The following MICAL2 variants were observed in gnomAD, a reference collection of about 807,000 sequenced individuals.
The protein encoded by MICAL2 is microtubule associated monooxygenase, calponin and LIM domain containing 2.
Under a neutral mutation model 127.3 loss-of-function variants are expected in MICAL2, and 77 were observed. The ratio of observed to expected loss-of-function variants is 0.60; its 90% CI spans 0.50 to 0.73. The LOEUF (loss-of-function observed/expected upper bound fraction) is 0.73, where lower values mean the gene tolerates loss of function less well. MICAL2 is among the 30% of genes least tolerant of loss of function. MICAL2 has a pLI of 0.00. For synonymous variants in MICAL2, 570 were observed against 551.1 expected (o/e 1.03, Z -0.48); for missense variants, 1,351 against 1,434.4 (o/e 0.94, Z 0.94).
intron 32 of MICAL2, among the ~76,000 whole-genome samples, chr11:12,333,584 A>T (rs1938688955): frequency 1.3e-5 from 2 of 152,204 alleles, no homozygotes; most frequent in Admixed American, 6.5e-5. Context: ...AAGAAAAAAA[A>T]TTTTGTTGTT....
At chr11:12,307,052 G>A (rs1169891429) in intron 29 of MICAL2, among the ~76,000 whole-genome samples, 1 of 152,176 alleles carries the variant, frequency 6.6e-6, no homozygotes, top group Non-Finnish European at 1.5e-5. Context: ...TTTCCAAAGT[G>A]ACATGCCATA....
intron 15 of MICAL2, among the ~76,000 whole-genome samples, chr11:12,235,244 G>A (rs1366171244): frequency 6.6e-6 from 1 of 152,182 alleles, no homozygotes; most frequent in Non-Finnish European, 1.5e-5. Flanking sequence ...CATCAGCTCG[G>A]CCTCCAGAGT....
chr11:12,187,439 C>A (rs996079706), intron 3 of MICAL2, among the ~76,000 whole-genome samples: 1 of 152,202 alleles, frequency 6.6e-6, no homozygotes, highest in African/African-American at 2.4e-5. Context: ...AGCAACACTT[C>A]CCCCTCTGGG....
intron 31 of MICAL2, among the ~76,000 whole-genome samples, chr11:12,326,673 A>G (rs1864356064): frequency 6.6e-6 from 1 of 152,212 alleles, no homozygotes; most frequent in African/African-American, 2.4e-5. Flanking sequence ...CTAAAACAGG[A>G]GCACGAAACC....
intron 3 of MICAL2, among the ~76,000 whole-genome samples, chr11:12,172,605 G>A (rs1337075608): frequency 6.6e-6 from 1 of 152,110 alleles, no homozygotes; most frequent in Admixed American, 6.5e-5. Flanking sequence ...GGTAAAAGCA[G>A]GGTTCTTGTC....
intron 1 of MICAL2, among the ~76,000 whole-genome samples, chr11:12,279,152 C>T (rs1863747569): frequency 1.3e-5 from 2 of 152,116 alleles, no homozygotes; most frequent in South Asian, 2.1e-4. Context: ...GGAGATGGCA[C>T]GTGGTGGAAG....
downstream of MICAL2, chr11:12,358,599 G>A (rs924347867): frequency 4.2e-6 from 4 of 943,422 alleles, no homozygotes; most frequent in Non-Finnish European, 6.1e-6. Flanking sequence ...ATACCTTACT[G>A]CATTTTTTAA....
intron 3 of MICAL2, among the ~76,000 whole-genome samples, chr11:12,180,024 ACTC>A (rs1485577423): frequency 1.3e-5 from 2 of 151,994 alleles, no homozygotes; most frequent in Admixed American, 6.6e-5. Context: ...GTAACTCTGT[ACTC>A]CTTGCTCCCA....
At chr11:12,229,857 C>A (rs1052960801) in intron 15 of MICAL2, among the ~76,000 whole-genome samples, 3 of 152,230 alleles carry the variant, frequency 2.0e-5, no homozygotes, top group Non-Finnish European at 2.9e-5. Context: ...CCCTTGGCTG[C>A]CCATTTTGAG....
intron 3 of MICAL2, chr11:12,197,816 G>C (rs1228209235): frequency 6.6e-6 from 1 of 152,262 alleles, no homozygotes; most frequent in African/African-American, 2.4e-5. Context: ...GGTCATGGAG[G>C]AGGAGAGCAC....
At chr11:12,330,826 A>AGG in intron 32 of MICAL2, among the ~76,000 whole-genome samples, 1 of 123,278 alleles carries the variant, frequency 8.1e-6, no homozygotes, top group East Asian at 2.1e-4. Flanking sequence ...AGAGAGGGAG[A>AGG]GACAGACAGA....
At chr11:12,225,225 C>T (rs34818123) in intron 13 of MICAL2, among the ~76,000 whole-genome samples, 1 of 152,192 alleles carries the variant, frequency 6.6e-6, no homozygotes, top group East Asian at 1.9e-4. Flanking sequence ...GATCCATAAG[C>T]TGTGTGTCCT....
intron 3 of MICAL2, among the ~76,000 whole-genome samples, chr11:12,186,974 G>A (rs923914116): frequency 6.6e-6 from 1 of 152,178 alleles, no homozygotes; most frequent in African/African-American, 2.4e-5. Flanking sequence ...CCCTGTCCCC[G>A]ACTGTGCTAA....
At chr11:12,283,182 T>A (rs1485529852) in intron 2 of MICAL2, among the ~76,000 whole-genome samples, 1 of 152,118 alleles carries the variant, frequency 6.6e-6, no homozygotes, top group African/African-American at 2.4e-5. Flanking sequence ...GGTAACCCCA[T>A]CACTTTACCA....
At chr11:12,230,996 CA>C (rs1858182540) in intron 15 of MICAL2, among the ~76,000 whole-genome samples, 1 of 152,188 alleles carries the variant, frequency 6.6e-6, no homozygotes, top group African/African-American at 2.4e-5. Flanking sequence ...CTAAAAGCCT[CA>C]TGGCATGGGA....
chr11:12,319,477 G>A (rs1434197720), intron 29 of MICAL2, among the ~76,000 whole-genome samples: 1 of 149,434 alleles, frequency 6.7e-6, no homozygotes, highest in Non-Finnish European at 1.5e-5. Flanking sequence ...AAAGAGAGCT[G>A]CAAAGCTCTT....
At chr11:12,259,751 G>C in intron 25 of MICAL2, 44 bp from the exon 26 acceptor site, 1 of 1,493,706 alleles carries the variant, frequency 6.7e-7, no homozygotes. Flanking sequence ...GTAGTCCTCT[G>C]GAAGACTTAC....
intron 1 of MICAL2, among the ~76,000 whole-genome samples, chr11:12,124,588 G>A (rs1658250191): frequency 6.6e-6 from 1 of 152,198 alleles, no homozygotes; most frequent in Non-Finnish European, 1.5e-5. Flanking sequence ...CGTTTTCCGT[G>A]CTCTGGGAGG....
At chr11:12,348,203 C>T (rs1376300983) in intron 32 of MICAL2, among the ~76,000 whole-genome samples, 1 of 145,806 alleles carries the variant, frequency 6.9e-6, no homozygotes, top group Non-Finnish European at 1.5e-5. Context: ...AACCTGTGTA[C>T]ATCTTCCCAT....
Sources: gnomAD v4.1 joint callset for allele counts (sites outside exome capture counted in the v4.1 genomes callset) on GRCh38, gnomAD v4.1.1 for gene constraint, MANE v1.5 for transcripts, NCBI Gene and HGNC (gene_info 2026-07-23, HGNC 2026-07-21) for gene names.